Variants in KCNK9 observed in about 807,000 individuals in gnomAD.
KCNK9 encodes potassium two pore domain channel subfamily K member 9, also known as potassium channel subfamily K member 9.
Under a neutral mutation model 10.8 loss-of-function variants are expected in KCNK9, and 1 was observed. The observed-to-expected ratio is 0.09, with a 90% CI of 0.03 to 0.44. KCNK9 has a LOEUF of 0.44. Ranked by LOEUF, KCNK9 falls within the 20% of genes least tolerant of loss-of-function variation. KCNK9 has a pLI of 0.97. For missense variants in KCNK9, 303 were observed against 515.0 expected, an observed-to-expected ratio of 0.59 and a Z score of 3.98; for synonymous variants, 231 against 222.7, an observed-to-expected ratio of 1.04 and a Z score of -0.33.
At chr8:139,615,857 G>A (rs2130096858), downstream of KCNK9, 1 of 152,074 alleles carries the variant, frequency 6.6e-6, no homozygotes, top group African/African-American at 2.4e-5. Flanking sequence ...TGACCAAATT[G>A]ACACAGATAG....
At chr8:139,608,687 G>A (rs553862225), downstream of KCNK9, among the ~76,000 whole-genome samples, 5 of 152,264 alleles carry the variant, frequency 3.3e-5, no homozygotes, top group East Asian at 9.7e-4. Flanking sequence ...ACAACGTACT[G>A]CACGCCGTAC....
chr8:139,671,522 TTTTTTTTAGATGGAGTC>T (rs1451102090), intron 1 of KCNK9, among the ~76,000 whole-genome samples: 1 of 138,756 alleles, frequency 7.2e-6, no homozygotes, highest in Non-Finnish European at 1.6e-5. Flanking sequence ...TTTTTTTTTT[TTTTTTTTAGATGGAGTC>T]TTGCTCCGTT....
intron 1 of KCNK9, among the ~76,000 whole-genome samples, chr8:139,663,987 C>G (rs1256477920): frequency 1.3e-5 from 2 of 152,172 alleles, no homozygotes; most frequent in Non-Finnish European, 2.9e-5. Context: ...TGCCAAGTCC[C>G]TGAATGCTCT....
intron 2 of KCNK9, chr8:139,602,033 G>A (rs1268451573): frequency 6.6e-6 from 1 of 152,286 alleles, no homozygotes; most frequent in African/African-American, 2.4e-5. Context: ...CAGGACCTGG[G>A]CTTAGCCACT....
At chr8:139,615,697 G>A (rs1814568840), downstream of KCNK9, 1 of 152,082 alleles carries the variant, frequency 6.6e-6, no homozygotes, top group Admixed American at 6.6e-5. Context: ...ATTACAAGTT[G>A]CCTCAGATAC....
chr8:139,625,571 G>A (rs1814944831), intron 1 of KCNK9, among the ~76,000 whole-genome samples: 1 of 152,174 alleles, frequency 6.6e-6, no homozygotes, highest in Non-Finnish European at 1.5e-5. Flanking sequence ...AGGGCCCAAG[G>A]TGGCTGGGGG....
chr8:139,699,006 G>C (rs969558653), intron 1 of KCNK9, among the ~76,000 whole-genome samples: 1 of 152,080 alleles, frequency 6.6e-6, no homozygotes. Flanking sequence ...GAGGTTCTGG[G>C]GAAATACTGC....
intron 1 of KCNK9, among the ~76,000 whole-genome samples, chr8:139,668,338 T>TA (rs1222221423): frequency 1.3e-5 from 2 of 151,298 alleles, no homozygotes; most frequent in South Asian, 2.1e-4. Context: ...AAATAAAAAT[T>TA]AAAAAAAATT....
chr8:139,679,163 C>G (rs1453188694), intron 1 of KCNK9, among the ~76,000 whole-genome samples: 3 of 152,204 alleles, frequency 2.0e-5, no homozygotes, highest in African/African-American at 7.2e-5. Context: ...GCTAAAAATA[C>G]CAGGAGTGGC....
At chr8:139,678,013 G>A (rs1219035688) in intron 1 of KCNK9, among the ~76,000 whole-genome samples, 1 of 152,146 alleles carries the variant, frequency 6.6e-6, no homozygotes, top group Admixed American at 6.5e-5. Flanking sequence ...CGGCTGCAGA[G>A]TAATACCTCG....
At chr8:139,603,570 C>A (rs2130071555) in intron 2 of KCNK9, among the ~76,000 whole-genome samples, 1 of 152,316 alleles carries the variant, frequency 6.6e-6, no homozygotes, top group East Asian at 1.9e-4. Context: ...CTGAGTAGGC[C>A]TGTCTACAAT....
chr8:139,651,208 T>A (rs1815851561), intron 1 of KCNK9, among the ~76,000 whole-genome samples: 3 of 152,054 alleles, frequency 2.0e-5, no homozygotes, highest in African/African-American at 4.8e-5. Context: ...GGGGCTGGAG[T>A]GAAGGCACCT....
chr8:139,608,131 G>A (rs568790242), downstream of KCNK9, among the ~76,000 whole-genome samples: 19 of 152,340 alleles, frequency 1.2e-4, no homozygotes, highest in South Asian at 1.7e-3. Context: ...AGGTCTCCAA[G>A]GAACTGACTC....
intron 1 of KCNK9, among the ~76,000 whole-genome samples, chr8:139,680,343 C>T (rs1816662138): frequency 6.6e-6 from 1 of 152,208 alleles, no homozygotes; most frequent in South Asian, 2.1e-4. Flanking sequence ...CCACCCGGAT[C>T]TGCCCCTTCA....
chr8:139,692,889 G>T (rs1816962347), intron 1 of KCNK9, among the ~76,000 whole-genome samples: 1 of 152,002 alleles, frequency 6.6e-6, no homozygotes, highest in Non-Finnish European at 1.5e-5. Context: ...ATGCTGCCTA[G>T]AGCTTCTGCT....
intron 1 of KCNK9, among the ~76,000 whole-genome samples, chr8:139,672,572 C>G (rs376492952): frequency 1.3e-5 from 2 of 152,208 alleles, no homozygotes; most frequent in African/African-American, 4.8e-5. Flanking sequence ...TACACAATTC[C>G]CATGGCAACG....
intron 1 of KCNK9, among the ~76,000 whole-genome samples, chr8:139,684,980 A>C (rs753590765): frequency 6.6e-6 from 1 of 152,240 alleles, no homozygotes; most frequent in Non-Finnish European, 1.5e-5. Flanking sequence ...TAAACACTAC[A>C]TGTGCTAAAC....
intron 1 of KCNK9, among the ~76,000 whole-genome samples, chr8:139,634,307 G>A (rs1181109593): frequency 6.6e-6 from 1 of 152,222 alleles, no homozygotes; most frequent in Non-Finnish European, 1.5e-5. Flanking sequence ...TGGCTTGAGG[G>A]AATATGGCTC....
chr8:139,644,249 G>C (rs1815601551), intron 1 of KCNK9, among the ~76,000 whole-genome samples: 1 of 152,198 alleles, frequency 6.6e-6, no homozygotes, highest in African/African-American at 2.4e-5. Context: ...ACCTGACCCA[G>C]AGCAAGAAAT....
Sources: gnomAD v4.1 joint callset for allele counts (sites outside exome capture counted in the v4.1 genomes callset) on GRCh38, gnomAD v4.1.1 for gene constraint, MANE v1.5 for transcripts, NCBI Gene and HGNC (gene_info 2026-07-23, HGNC 2026-07-21) for gene names.